The following CGNL1 variants were observed in gnomAD, a reference collection of about 807,000 sequenced individuals.
CGNL1 encodes the protein cingulin like 1, also known as cingulin-like protein 1.
A neutral mutation model predicts 141.2 loss-of-function variants in CGNL1; 132 were observed. That is an observed-to-expected ratio of 0.93 (90% CI 0.81 to 1.08). CGNL1 has a LOEUF of 1.08. Among genes scored for constraint, CGNL1 ranks in the 50% least tolerant of loss-of-function variants. CGNL1 has a pLI of 0.00. For missense variants in CGNL1, 1,870 were observed against 1,588.6 expected (o/e 1.18, Z -3.01); for synonymous variants, 690 against 622.1 (o/e 1.11, Z -1.63).
Position 57,524,762 on chromosome 15 carries a change from G to C in CGNL1, c.3039+11G>C. 1.2e-6 allele frequency: 2 copies of C among 1,613,288 alleles called. No individual in the cohort carries two copies. Among genetic ancestry groups the C allele is most frequent in the Non-Finnish European group, 1.7e-6 (2 of 1,179,606 alleles). ...AAAATGCAGGATGAGGTAATGCCTG[G>C]CCAGATAAGTTCTTCCTTTATCCCT... On this transcript the variant is annotated intron_variant, in intron 12 of 18. Coordinates refer to ENST00000281282, the MANE Select transcript of CGNL1 (RefSeq NM_032866.5).
At chr15:57,419,798 T>G (rs1161023975) in intron 1 of CGNL1, among the ~76,000 whole-genome samples, 1 of 152,194 alleles carries the variant, frequency 6.6e-6, no homozygotes, top group Non-Finnish European at 1.5e-5. Context: ...TTTCCCCCTC[T>G]TTCTATACTC....
chr15:57,522,273 G>A (rs1285360616), intron 10 of CGNL1, among the ~76,000 whole-genome samples: 1 of 152,224 alleles, frequency 6.6e-6, no homozygotes, highest in East Asian at 1.9e-4. Flanking sequence ...CCCAGGGACC[G>A]GAAGGCCGCT....
At chr15:57,516,290 T>C (rs1456037166) in intron 8 of CGNL1, among the ~76,000 whole-genome samples, 3 of 152,012 alleles carry the variant, frequency 2.0e-5, no homozygotes, top group Non-Finnish European at 2.9e-5. Flanking sequence ...ATGCAGTTCC[T>C]CCTAAGTGAT....
At chr15:57,492,199 G>T (rs1164631354) in intron 8 of CGNL1, among the ~76,000 whole-genome samples, 1 of 152,166 alleles carries the variant, frequency 6.6e-6, no homozygotes, top group Non-Finnish European at 1.5e-5. Context: ...TCTGGTGAAG[G>T]CAGAACCTGG....
chr15:57,387,414 C>T (rs1176905322), intron 1 of CGNL1, among the ~76,000 whole-genome samples: 3 of 152,104 alleles, frequency 2.0e-5, no homozygotes, highest in Non-Finnish European at 4.4e-5. Flanking sequence ...TCTTGGCCAG[C>T]CTTATTTTTT....
chr15:57,409,319 TG>T (rs1234888554), intron 1 of CGNL1, among the ~76,000 whole-genome samples: 1 of 152,212 alleles, frequency 6.6e-6, no homozygotes, highest in African/African-American at 2.4e-5. Context: ...TGGAGATGTC[TG>T]GGGCCTGGTC....
At chr15:57,449,215 T>A (rs11071320) in intron 4 of CGNL1, among the ~76,000 whole-genome samples, 1 of 151,938 alleles carries the variant, frequency 6.6e-6, no homozygotes, top group Non-Finnish European at 1.5e-5. Context: ...CATATACAGC[T>A]TAGGATATCA....
chr15:57,484,043 T>G (rs2063758534), intron 8 of CGNL1, among the ~76,000 whole-genome samples: 1 of 152,214 alleles, frequency 6.6e-6, no homozygotes, highest in South Asian at 2.1e-4. Context: ...ATATATTGGC[T>G]TATAGTCCTT....
chr15:57,491,456 C>G (rs1196901597), intron 8 of CGNL1, among the ~76,000 whole-genome samples: 1 of 152,162 alleles, frequency 6.6e-6, no homozygotes, highest in Non-Finnish European at 1.5e-5. Context: ...CTCTTGTCTG[C>G]CCTGCAAGGC....
chr15:57,439,479 G>T lies in CGNL1; in HGVS notation c.1480G>T (p.Glu494Ter). ...APSLGAQSKK[E>*]EEVKTATATL... ...CTCCCTTGGTGCACAGAGTAAAAAGGAGGAGGAGGTGAAAACAGCCACCGC... is the reference window on the plus strand; with the variant it reads ...CTCCCTTGGTGCACAGAGTAAAAAGTAGGAGGAGGTGAAAACAGCCACCGC... Residue 494 changes from glutamate (E) to a stop codon, truncating the protein, a stop_gained, in exon 2 of 19, where the codon GAG (glutamate) becomes TAG (stop). Transcript: ENST00000281282. LOFTEE classifies it high-confidence loss of function. 2 of 1,614,168 alleles carry T rather than the reference G, an allele frequency of 1.2e-6. No individual in the cohort carries two copies. Among genetic ancestry groups the T allele is most frequent in the Non-Finnish European group, 1.7e-6 (2 of 1,179,990 alleles).
At chr15:57,528,978 GC>G in intron 13 of CGNL1, 163 bp downstream of exon 13, 1 of 667,704 alleles carries the variant, frequency 1.5e-6, no homozygotes, top group Non-Finnish European at 2.5e-6. Context: ...GAAGGAAGGG[GC>G]CAGTCATTTA....
Position 57,440,006 on chromosome 15 carries a change from A to T in CGNL1, c.1603-371A>T, listed in dbSNP as rs148857033. On this transcript the variant is annotated intron_variant, in intron 2 of 18. Transcript: ENST00000281282. ...GACTGGGTTAATTTCTAGCCTGAAA[A>T]ATTAGGTTAATTTTCATTTAGGTTA... Among the ~76,000 whole-genome samples, 41 of 152,264 alleles carry T rather than the reference A, an allele frequency of 2.7e-4. 2 individuals carry two copies. In the South Asian group the frequency reaches 8.5e-3, roughly 32 times the overall value.
intron 1 of CGNL1, among the ~76,000 whole-genome samples, chr15:57,428,711 G>A (rs1189376081): frequency 6.6e-6 from 1 of 152,080 alleles, no homozygotes; most frequent in Non-Finnish European, 1.5e-5. Flanking sequence ...AAAAAAAAAT[G>A]TCTAAAGTAA....
At position 57,438,394 on chromosome 15, in the gene CGNL1, G is replaced by A. The variant is rs921849547; in HGVS notation, c.395G>A (p.Arg132His). 9.9e-6 allele frequency: 16 copies of A among 1,614,020 alleles called. No individual in the cohort carries two copies. Among genetic ancestry groups the A allele is most frequent in the African/African-American group, 4.0e-5 (3 of 74,910 alleles). ...GAGGGCAAGAATGGAGTTCTAGATC[G>A]CAAAGACGGGTCTGTGAAGCCATCT... ...LHEGKNGVLD[R>H]KDGSVKPSHL... The change falls in exon 2 of 19, where the codon CGC becomes CAC. Residue 132 changes from arginine (R) to histidine (H), a missense_variant. By Grantham distance (29) the Arg-to-His change is conservative (BLOSUM62 0). Coordinates refer to ENST00000281282, the MANE Select transcript of CGNL1 (RefSeq NM_032866.5).
intron 8 of CGNL1, among the ~76,000 whole-genome samples, chr15:57,476,221 C>A (rs548447608): frequency 1.3e-5 from 2 of 151,936 alleles, no homozygotes; most frequent in Non-Finnish European, 2.9e-5. Flanking sequence ...CAGGCCAGGG[C>A]GGGTTCCTAA....
At chr15:57,545,521 C>G in intron 16 of CGNL1, 71 bp from the exon 17 acceptor site, 1 of 1,424,670 alleles carries the variant, frequency 7.0e-7, no homozygotes, top group Non-Finnish European at 9.7e-7. Flanking sequence ...TTCCCCTCCT[C>G]CACAGCCTAG....
chr15:57,398,049 G>C (rs1302131480), intron 1 of CGNL1, among the ~76,000 whole-genome samples: 1 of 152,088 alleles, frequency 6.6e-6, no homozygotes, highest in Non-Finnish European at 1.5e-5. Context: ...CCAAAGTGCT[G>C]GGATTACAGG....
chr15:57,521,351 A>C (rs929859077), intron 10 of CGNL1, among the ~76,000 whole-genome samples: 27 of 152,298 alleles, frequency 1.8e-4, no homozygotes, highest in African/African-American at 6.5e-4. Context: ...GCTAAGAAAA[A>C]TTGTGATTCC....
intron 8 of CGNL1, among the ~76,000 whole-genome samples, chr15:57,483,468 CT>C (rs60667956): frequency 0.24 from 30,025 of 127,492 alleles, 2,729 homozygotes; most frequent in Middle Eastern, 0.3. Flanking sequence ...ACAAAGTTTT[CT>C]TTTTTTTTTT....
Sources: allele counts gnomAD v4.1 joint callset (sites outside exome capture counted in the v4.1 genomes callset), GRCh38; gene constraint gnomAD v4.1.1; transcripts MANE v1.5; gene names NCBI Gene and HGNC (gene_info 2026-07-23, HGNC 2026-07-21).